SLIT3: variants seen among roughly 807,000 people sequenced by gnomAD.
The protein encoded by SLIT3 is slit homolog 3 protein.
SLIT3 carries 68 observed loss-of-function variants against 184.0 expected under a neutral mutation model. That is an observed-to-expected ratio of 0.37 (90% CI 0.30 to 0.45). The LOEUF (loss-of-function observed/expected upper bound fraction) is 0.45, where lower values mean the gene tolerates loss of function less well. SLIT3 is among the 20% of genes least tolerant of loss of function. The probability of loss-of-function intolerance (pLI) is 1.00; values close to 1 mark genes in which losing one functional copy is unlikely to be tolerated. For missense variants in SLIT3, 1,707 were observed against 2,026.0 expected (o/e 0.84, Z 3.02); for synonymous variants, 831 against 828.6 (o/e 1.00, Z -0.05).
At chr5:169,001,869 T>G (rs545818969) in intron 4 of SLIT3, among the ~76,000 whole-genome samples, 8 of 152,230 alleles carry the variant, frequency 5.3e-5, no homozygotes, top group African/African-American at 1.9e-4. Context: ...TCCCTCCTTT[T>G]TTTTTCCCCT....
chr5:168,991,979 A>G (rs1289851561), intron 4 of SLIT3, among the ~76,000 whole-genome samples: 1 of 152,252 alleles, frequency 6.6e-6, no homozygotes, highest in Non-Finnish European at 1.5e-5. Flanking sequence ...TTTAAAAAGC[A>G]AAGTAAACAG....
At chr5:168,998,021 C>T (rs1755572644) in intron 4 of SLIT3, among the ~76,000 whole-genome samples, 1 of 152,094 alleles carries the variant, frequency 6.6e-6, no homozygotes, top group African/African-American at 2.4e-5. Flanking sequence ...TTCCCTCCCT[C>T]TCTCTCCTCT....
chr5:168,978,124 C>T (rs749375423), intron 4 of SLIT3, among the ~76,000 whole-genome samples: 50 of 152,310 alleles, frequency 3.3e-4, no homozygotes, highest in Non-Finnish European at 5.7e-4. Flanking sequence ...TGCCTAGGGT[C>T]AGGCACCCCA....
rs1020747996 is a variant in SLIT3, at chr5:169,244,766, C to T, written c.280G>A (p.Asp94Asn). 12 of 1,613,690 alleles carry T rather than the reference C, an allele frequency of 7.4e-6. 1 individual carries two copies. The African/African-American group carries it at 8.0e-5, about 11-fold the overall frequency. ...LKNLRVLHLEDNQVSVIERGA... is the reference protein window; with the variant it reads ...LKNLRVLHLENNQVSVIERGA... ...CTCTCGATGACGCTGACCTGGTTGT[C>T]TTCCAGATGCCTACAACCACAGAGA... Residue 94 changes from aspartate to asparagine, a missense_variant, in exon 3 of 36, where the codon GAC becomes AAC. Around this residue, in one of 3 missense-constraint regions of SLIT3, gnomAD observed 1,307 missense variants for 1,511.6 expected, o/e 0.86. Transcript: ENST00000519560.
rs1443871402 is a variant in SLIT3 at position 168,856,756 on chromosome 5, C to T, written c.486-12101G>A. Among the ~76,000 whole-genome samples the T allele has an allele frequency of 2.0e-5, 3 of 147,604 alleles. No homozygotes were observed. The South Asian group carries it at 6.7e-4, about 33-fold the overall frequency. On this transcript the variant is annotated intron_variant, in intron 5 of 35. Transcript: ENST00000519560. The stretch of plus-strand genomic sequence containing the variant: ...TGCATTTGCATTTGCATTTCAGAAG[C>T]TGAGTTCCTCGTGTGTGTGTGTGTG...
chr5:168,666,624 C>A lies in SLIT3; in HGVS notation c.4402G>T (p.Ala1468Ser). Reference sequence around the variant, plus strand: ...ATGATGGGCACCTTGGAGGCTGTGGCACATGATGCATAACCTTTCTGGCGG... The same window carrying A: ...ATGATGGGCACCTTGGAGGCTGTGGAACATGATGCATAACCTTTCTGGCGG... ...IRRQKGYASCATASKVPIMEC... is the reference protein window; with the variant it reads ...IRRQKGYASCSTASKVPIMEC... Residue 1468 changes from alanine to serine, a missense_variant, in exon 36 of 36, where the codon GCC becomes TCC. Around this residue, in one of 3 missense-constraint regions of SLIT3, gnomAD observed 387 missense variants for 477.9 expected, o/e 0.81. Transcript: ENST00000519560. 1.2e-6 allele frequency: 2 copies of A among 1,614,194 alleles called. No homozygotes were observed. Among genetic ancestry groups the A allele is most frequent in the Non-Finnish European group, 1.7e-6 (2 of 1,180,040 alleles).
intron 14 of SLIT3, chr5:168,772,570 T>TAG: frequency 4.0e-6 from 2 of 497,122 alleles, no homozygotes; most frequent in Non-Finnish European, 7.1e-6. Flanking sequence ...CATGCTTTTA[T>TAG]TGTGTGTGTG....
intron 23 of SLIT3, among the ~76,000 whole-genome samples, chr5:168,714,265 G>A (rs1016547968): frequency 6.6e-6 from 1 of 152,236 alleles, no homozygotes; most frequent in African/African-American, 2.4e-5. Flanking sequence ...CTTCATGGCT[G>A]CTTGCTGTTT....
chr5:169,265,322 G>A (rs536005547), intron 1 of SLIT3, among the ~76,000 whole-genome samples: 4 of 152,138 alleles, frequency 2.6e-5, no homozygotes, highest in African/African-American at 9.7e-5. Flanking sequence ...GCCAATTTGG[G>A]AGCATTTCAA....
Position 168,666,234 on chromosome 5 carries a change from G to A in SLIT3, c.*220C>T, listed in dbSNP as rs1561863217. On this transcript the variant is annotated 3_prime_UTR_variant, in exon 36 of 36. Coordinates refer to ENST00000519560, the MANE Select transcript of SLIT3 (RefSeq NM_003062.4). The stretch of plus-strand genomic sequence containing the variant: ...CACTATATGGTACATATACGCAGAT[G>A]GTGTAATATATTTATATAATAAAAG... 4.7e-6 allele frequency: 2 copies of A among 428,892 alleles called. No homozygotes were observed. The highest frequency in any genetic ancestry group is 7.1e-5 in the East Asian group (2 of 28,258). 26.6% of individuals were successfully genotyped at this position (428,892 alleles called of 1,614,324 possible).
At position 169,274,668 on chromosome 5, in the gene SLIT3, A is replaced by T. The variant is rs549556318; in HGVS notation, c.198-23209T>A. Among the ~76,000 whole-genome samples, 6 of 152,346 alleles carry T rather than the reference A, an allele frequency of 3.9e-5. No individual in the cohort carries two copies. In the South Asian group the frequency reaches 1.0e-3, roughly 26 times the overall value. On this transcript the variant is annotated intron_variant, in intron 1 of 35. Transcript: ENST00000519560. ...TCTCTGGGCAAACAGGGAGATCTTCATGATAGGATAAGGGCTTCCAAGACT... is the reference window on the plus strand; with the variant it reads ...TCTCTGGGCAAACAGGGAGATCTTCTTGATAGGATAAGGGCTTCCAAGACT...
intron 12 of SLIT3, among the ~76,000 whole-genome samples, chr5:168,778,569 G>A (rs142316098): frequency 0.011 from 1,681 of 152,314 alleles, 29 homozygotes; most frequent in African/African-American, 0.037. Flanking sequence ...TCAAGCCTTC[G>A]TTGGCACGAG....
intron 4 of SLIT3, among the ~76,000 whole-genome samples, chr5:168,909,023 C>T (rs796080490): frequency 6.6e-6 from 1 of 152,208 alleles, no homozygotes. Flanking sequence ...AGGTACCCGC[C>T]AGGCTTCTTG....
At chr5:168,913,550 G>T (rs1309689134) in intron 4 of SLIT3, among the ~76,000 whole-genome samples, 1 of 151,944 alleles carries the variant, frequency 6.6e-6, no homozygotes, top group South Asian at 2.1e-4. Flanking sequence ...GGTGGATCAC[G>T]TAAGGTCAGG....
intron 4 of SLIT3, among the ~76,000 whole-genome samples, chr5:168,964,687 A>C (rs1763123555): frequency 6.6e-6 from 1 of 152,220 alleles, no homozygotes; most frequent in African/African-American, 2.4e-5. Flanking sequence ...TTTCGGCCCA[A>C]ATGTTATAAC....
At chr5:168,724,252 C>T (rs1204498007) in intron 21 of SLIT3, among the ~76,000 whole-genome samples, 164 bp downstream of exon 21, 1 of 152,134 alleles carries the variant, frequency 6.6e-6, no homozygotes, top group Non-Finnish European at 1.5e-5. Context: ...GCAAGATCTC[C>T]CACTTTCCCT....
chr5:169,077,364 C>T (rs929289202), intron 4 of SLIT3, among the ~76,000 whole-genome samples: 3 of 151,916 alleles, frequency 2.0e-5, no homozygotes, highest in Admixed American at 6.5e-5. Flanking sequence ...GGTGAAAACC[C>T]GTCTCTACTG....
Position 168,751,153 on chromosome 5 carries a change from GGA to G in SLIT3, c.1974-1520_1974-1519del, listed in dbSNP as rs538617060. ...GCGAGGAGCCCCACGGAGCTAGAAT[GGA>G]GAGAGGGAGGGGACAGGCAGGGCAT... On this transcript the variant is annotated intron_variant, in intron 18 of 35. Coordinates refer to ENST00000519560, the MANE Select transcript of SLIT3 (RefSeq NM_003062.4). Among the ~76,000 whole-genome samples the G allele has an allele frequency of 1.3e-3, 193 of 152,166 alleles. 1 individual carries two copies. Among genetic ancestry groups the G allele is most frequent in the African/African-American group, 4.5e-3 (187 of 41,474 alleles).
intron 4 of SLIT3, among the ~76,000 whole-genome samples, chr5:168,887,356 C>T (rs77778553): frequency 0.014 from 2,136 of 152,154 alleles, 22 homozygotes; most frequent in South Asian, 0.022. Flanking sequence ...AAATTAATTC[C>T]GAAGCTACAA....
Sources: allele counts gnomAD v4.1 joint callset (sites outside exome capture counted in the v4.1 genomes callset), GRCh38; gene constraint gnomAD v4.1.1; regional missense constraint gnomAD v4.1.1; transcripts MANE v1.5; gene names NCBI Gene and HGNC (gene_info 2026-07-23, HGNC 2026-07-21).